Variants in CDC42BPB observed in about 807,000 individuals in gnomAD.
CDC42BPB encodes serine/threonine-protein kinase MRCK beta.
CDC42BPB carries 37 observed loss-of-function variants against 214.9 expected under a neutral mutation model. That is an observed-to-expected ratio of 0.17 (90% CI 0.13 to 0.23). The LOEUF is 0.23. CDC42BPB is among the 10% of genes least tolerant of loss of function. CDC42BPB has a pLI of 1.00. For synonymous variants in CDC42BPB, 931 were observed against 884.0 expected, an observed-to-expected ratio of 1.05 and a Z score of -0.94; for missense variants, 1,694 against 2,227.0, an observed-to-expected ratio of 0.76 and a Z score of 4.82.
chr14:103,049,382 T>C lies in CDC42BPB; in HGVS notation c.175+7617A>G, dbSNP rs182294725. 4.6e-4 allele frequency among the ~76,000 whole-genome samples: 70 copies of C among 152,352 alleles called. 1 individual carries two copies. The East Asian group carries it at 0.01, about 22-fold the overall frequency. On this transcript the variant is annotated intron_variant, in intron 1 of 36. Coordinates refer to ENST00000361246, the MANE Select transcript of CDC42BPB (RefSeq NM_006035.4). ...CCCCGGAGGCCTCTTGGAGCAAGGC[T>C]GTCCAACTAGCACTGACTGCTGACA...
chr14:103,056,227 G>A (rs769171945), intron 1 of CDC42BPB, among the ~76,000 whole-genome samples: 4 of 151,978 alleles, frequency 2.6e-5, no homozygotes, highest in South Asian at 2.1e-4. Context: ...GATAGCTCCA[G>A]CTACCCCTCC....
intron 1 of CDC42BPB, among the ~76,000 whole-genome samples, chr14:103,044,516 C>G (rs1888184469): frequency 6.6e-6 from 1 of 151,990 alleles, no homozygotes; most frequent in African/African-American, 2.4e-5. Flanking sequence ...ACTACAGGCG[C>G]CCGCCACCAT....
chr14:103,002,246 G>A (rs1175610506), intron 4 of CDC42BPB, among the ~76,000 whole-genome samples: 3 of 152,116 alleles, frequency 2.0e-5, no homozygotes, highest in African/African-American at 2.4e-5. Context: ...GGTGTGCACC[G>A]CAGAAGCCGG....
intron 12 of CDC42BPB, chr14:102,972,400 CCACAGGCCGGG>C (rs1343722176): frequency 3.0e-5 from 27 of 913,592 alleles, no homozygotes; most frequent in Non-Finnish European, 3.5e-5. Context: ...AAGAAAGGCC[CCACAGGCCGGG>C]CACAGTGGCT....
Position 103,053,492 on chromosome 14 carries a change from T to C in CDC42BPB, c.175+3507A>G, listed in dbSNP as rs920520062. 3.9e-5 allele frequency among the ~76,000 whole-genome samples: 6 copies of C among 152,144 alleles called. No individual in the cohort carries two copies. In the East Asian group the frequency reaches 1.2e-3, roughly 30 times the overall value. ...GTTGAAATGACTCGGCCAGGCACGG[T>C]GGCTCACACCTGTAATCCAAGAACT... On this transcript the variant is annotated intron_variant, in intron 1 of 36. Transcript: ENST00000361246.
At chr14:103,030,509 A>G (rs1020390523) in intron 1 of CDC42BPB, among the ~76,000 whole-genome samples, 1 of 152,166 alleles carries the variant, frequency 6.6e-6, no homozygotes, top group Non-Finnish European at 1.5e-5. Flanking sequence ...CAGCCTGGCC[A>G]ACATGGTGAA....
At chr14:102,947,525 C>G (rs1015153057) in intron 27 of CDC42BPB, among the ~76,000 whole-genome samples, 196 bp downstream of exon 27, 1 of 152,086 alleles carries the variant, frequency 6.6e-6, no homozygotes, top group African/African-American at 2.4e-5. Context: ...AAGAAGCCAG[C>G]CAGGAGGCTC....
At chr14:103,002,889 A>G (rs1895054387) in intron 4 of CDC42BPB, among the ~76,000 whole-genome samples, 2 of 152,102 alleles carry the variant, frequency 1.3e-5, no homozygotes, top group South Asian at 4.1e-4. Context: ...AAGTCTACAT[A>G]AGTACACATT....
Position 102,940,090 on chromosome 14 carries a change from T to C in CDC42BPB, c.4547A>G (p.Asn1516Ser), listed in dbSNP as rs770829901. ...LNSEGTLNLL[N>S]CEPPRLIYFK... ...GTAGATCAAGCGTGGAGGCTCGCAG[T>C]TGAGGAGGTTGAGGGTGCCTTCAGA... The change falls in exon 32 of 37, where the codon AAC (asparagine) becomes AGC (serine). Residue 1516 changes from asparagine (N) to serine (S), a missense_variant. Around this residue, in one of 7 missense-constraint regions of CDC42BPB, gnomAD observed 567 missense variants for 790.3 expected, o/e 0.72. Coordinates refer to ENST00000361246, the MANE Select transcript of CDC42BPB (RefSeq NM_006035.4). 2.0e-5 allele frequency: 32 copies of C among 1,613,674 alleles called. No individual in the cohort carries two copies. The highest frequency in any genetic ancestry group is 1.5e-4 in the Admixed American group (9 of 59,994).
rs1364846440 is a variant in CDC42BPB, at chr14:102,976,262, A to G, written c.1221-213T>C. On this transcript the variant is annotated intron_variant, in intron 9 of 36. Transcript: ENST00000361246. ...GGCCCTCCCCATCGCTGGTCAAAGA[A>G]AGCGCCTCTGCAAAGGAGGGGAAAT... The G allele has an allele frequency of 5.2e-6, 5 of 956,170 alleles. No individual in the cohort carries two copies. The African/African-American group carries it at 8.8e-5, about 17-fold the overall frequency. 59.2% of individuals were successfully genotyped at this position (956,170 alleles called of 1,614,324 possible).
intron 1 of CDC42BPB, 21 bp downstream of exon 1, chr14:103,056,978 G>T: frequency 7.2e-7 from 1 of 1,387,324 alleles, no homozygotes; most frequent in Non-Finnish European, 9.4e-7. Flanking sequence ...CGCAGGTCCG[G>T]CCCTGCCGGC....
chr14:103,053,768 A>C (rs1888787206), intron 1 of CDC42BPB, among the ~76,000 whole-genome samples: 1 of 152,022 alleles, frequency 6.6e-6, no homozygotes, highest in South Asian at 2.1e-4. Flanking sequence ...TCTCAAAAAA[A>C]AAAAAAAAAG....
chr14:102,971,848 T>C, intron 13 of CDC42BPB, 71 bp downstream of exon 13: 3 of 1,511,476 alleles, frequency 2.0e-6, no homozygotes, highest in Non-Finnish European at 2.7e-6. Context: ...CAGCCCAAGA[T>C]TTCAAAGACG....
At chr14:103,041,473 C>T (rs1428748165) in intron 1 of CDC42BPB, 17 of 1,258,202 alleles carry the variant, frequency 1.4e-5, no homozygotes, top group Admixed American at 1.9e-5. Context: ...GCAGCCATGG[C>T]GCCCAGCCAG....
At chr14:102,964,959 CTT>C (rs749543419) in intron 18 of CDC42BPB, 3 of 238,974 alleles carry the variant, frequency 1.3e-5, no homozygotes, top group East Asian at 1.8e-4. Flanking sequence ...TAGTTTCGCT[CTT>C]GTTGCCTAGG....
chr14:102,936,199 A>G (rs1018495106), intron 36 of CDC42BPB, among the ~76,000 whole-genome samples: 1 of 152,208 alleles, frequency 6.6e-6, no homozygotes, highest in South Asian at 2.1e-4. Context: ...TGGTTCCTCA[A>G]AAAGTTAAAC....
At chr14:103,050,681 T>C (rs1210869860) in intron 1 of CDC42BPB, among the ~76,000 whole-genome samples, 2 of 151,980 alleles carry the variant, frequency 1.3e-5, no homozygotes, top group Non-Finnish European at 2.9e-5. Flanking sequence ...TGCCTGAGCC[T>C]GGGAAGTCAA....
At position 103,057,018 on chromosome 14, in the gene CDC42BPB, C is replaced by A; in HGVS notation, c.156G>T (p.Val52=). Residue 52 remains valine, a synonymous_variant, in exon 1 of 37, where the codon GTG becomes GTT. Transcript: ENST00000361246. ...ACTTACCCCACTCGAGGAACTCGGC[C>A]ACGTACTTGTCGCGGCGCAGGGCCG... ...SHSALRRDKY[V]AEFLEWAKPF... 1 of 1,492,492 alleles carries A rather than the reference C, an allele frequency of 6.7e-7. No individual in the cohort carries two copies. Among genetic ancestry groups the A allele is most frequent in the Non-Finnish European group, 8.9e-7 (1 of 1,124,126 alleles). The allele number at this position is 1,492,492 out of a possible 1,614,324, so 92.5% of individuals were successfully genotyped here. A position where few individuals can be genotyped will look rare whatever the true frequency, so the allele number is the denominator to read the frequency against.
intron 1 of CDC42BPB, among the ~76,000 whole-genome samples, chr14:103,037,245 C>T (rs1305119657): frequency 2.0e-5 from 3 of 152,198 alleles, no homozygotes; most frequent in Admixed American, 6.5e-5. Context: ...TTTCACTTTT[C>T]GTGGCATACC....
Sources: gnomAD v4.1 joint callset for allele counts (sites outside exome capture counted in the v4.1 genomes callset) on GRCh38, gnomAD v4.1.1 for gene constraint, gnomAD v4.1.1 regional missense constraint, MANE v1.5 for transcripts, NCBI Gene and HGNC (gene_info 2026-07-23, HGNC 2026-07-21) for gene names.